FRMD3: variants seen among roughly 807,000 people sequenced by gnomAD.
The protein encoded by FRMD3 is FERM domain-containing protein 3.
Under a neutral mutation model 70.2 loss-of-function variants are expected in FRMD3, and 33 were observed. The observed-to-expected ratio is 0.47, with a 90% confidence interval of 0.36 to 0.63. FRMD3 has a LOEUF of 0.63. Among genes scored for constraint, FRMD3 ranks in the 20% least tolerant of loss-of-function variants. FRMD3 has a pLI of 0.00. For synonymous variants in FRMD3, 279 were observed against 255.9 expected, an observed-to-expected ratio of 1.09 and a Z score of -0.86; for missense variants, 632 against 711.4, an observed-to-expected ratio of 0.89 and a Z score of 1.27.
At chr9:83,436,787 A>C (rs1000434953) in intron 1 of FRMD3, among the ~76,000 whole-genome samples, 11 of 95,656 alleles carry the variant, frequency 1.1e-4, no homozygotes, top group Admixed American at 1.0e-3. Context: ...AGGGGAAAAA[A>C]AAAAAAAAAA....
At chr9:83,343,728 T>C (rs1823857403) in intron 4 of FRMD3, among the ~76,000 whole-genome samples, 1 of 152,238 alleles carries the variant, frequency 6.6e-6, no homozygotes, top group Non-Finnish European at 1.5e-5. Context: ...TCATCATTTC[T>C]TAGGGGCAGA....
intron 1 of FRMD3, among the ~76,000 whole-genome samples, chr9:83,509,957 A>G (rs1829300623): frequency 6.6e-6 from 1 of 152,192 alleles, no homozygotes; most frequent in South Asian, 2.1e-4. Flanking sequence ...TAAATATAAC[A>G]GAGGATGACA....
At chr9:83,387,733 C>T (rs1483173593) in intron 2 of FRMD3, among the ~76,000 whole-genome samples, 6 of 152,132 alleles carry the variant, frequency 3.9e-5, no homozygotes, top group East Asian at 3.8e-4. Context: ...CCCTCTTATA[C>T]GAGTGGAATA....
chr9:83,453,488 A>G (rs1018561736), intron 1 of FRMD3, among the ~76,000 whole-genome samples: 2 of 152,172 alleles, frequency 1.3e-5, no homozygotes, highest in Non-Finnish European at 2.9e-5. Context: ...CTACTTTTTC[A>G]ACTGTAAATT....
intron 2 of FRMD3, among the ~76,000 whole-genome samples, chr9:83,379,225 T>C (rs1179575389): frequency 6.6e-6 from 1 of 152,122 alleles, no homozygotes; most frequent in Non-Finnish European, 1.5e-5. Flanking sequence ...GAGTCTGGAC[T>C]ACACCAATAA....
intron 7 of FRMD3, among the ~76,000 whole-genome samples, chr9:83,312,460 G>GA (rs1227420367): frequency 6.6e-6 from 1 of 152,118 alleles, no homozygotes; most frequent in East Asian, 1.9e-4. Context: ...CCTAGACCAG[G>GA]AAAACTAAGC....
chr9:83,456,865 A>C (rs980149217), intron 1 of FRMD3, among the ~76,000 whole-genome samples: 27 of 152,106 alleles, frequency 1.8e-4, no homozygotes, highest in African/African-American at 6.5e-4. Flanking sequence ...CTGTAGTCCC[A>C]GCTACTCGAG....
chr9:83,455,857 A>T (rs983694033), intron 1 of FRMD3, among the ~76,000 whole-genome samples: 25 of 152,248 alleles, frequency 1.6e-4, no homozygotes, highest in Non-Finnish European at 2.4e-4. Flanking sequence ...GACAGCAGAT[A>T]GAGTTCACAG....
intron 1 of FRMD3, among the ~76,000 whole-genome samples, chr9:83,418,859 G>A (rs535611807): frequency 6.6e-5 from 10 of 152,260 alleles, no homozygotes; most frequent in East Asian, 5.8e-4. Flanking sequence ...TCACAATTGC[G>A]AAGCCTTTGT....
intron 4 of FRMD3, among the ~76,000 whole-genome samples, chr9:83,348,985 G>A (rs1387889525): frequency 6.6e-6 from 1 of 152,228 alleles, no homozygotes; most frequent in Non-Finnish European, 1.5e-5. Flanking sequence ...CTTATTTTGA[G>A]AGATGATTAT....
chr9:83,384,412 GA>G (rs1389133955), intron 2 of FRMD3, among the ~76,000 whole-genome samples: 1 of 152,130 alleles, frequency 6.6e-6, no homozygotes, highest in Non-Finnish European at 1.5e-5. Flanking sequence ...ACCATCCCCA[GA>G]GTGAAACCTC....
chr9:83,472,081 C>A (rs568094529), intron 1 of FRMD3, among the ~76,000 whole-genome samples: 26 of 147,878 alleles, frequency 1.8e-4, no homozygotes, highest in Non-Finnish European at 3.1e-4. Flanking sequence ...TAGGGTGCTA[C>A]CAGAGATGCC....
At chr9:83,322,124 C>T (rs1004462478) in intron 6 of FRMD3, among the ~76,000 whole-genome samples, 2 of 152,022 alleles carry the variant, frequency 1.3e-5, no homozygotes, top group Non-Finnish European at 2.9e-5. Context: ...CCTTCCCAGG[C>T]AGGAAGTATG....
intron 1 of FRMD3, among the ~76,000 whole-genome samples, chr9:83,391,469 T>G (rs550090220): frequency 6.6e-6 from 1 of 152,318 alleles, no homozygotes; most frequent in East Asian, 1.9e-4. Flanking sequence ...TTCATTAGGA[T>G]GTACTATAGG....
At chr9:83,464,887 G>T (rs1339904867) in intron 1 of FRMD3, among the ~76,000 whole-genome samples, 3 of 152,116 alleles carry the variant, frequency 2.0e-5, no homozygotes, top group Non-Finnish European at 2.9e-5. Flanking sequence ...AGGCTTGGTG[G>T]TGTGCACCTG....
At chr9:83,342,488 G>C (rs1010788781) in intron 5 of FRMD3, among the ~76,000 whole-genome samples, 4 of 152,160 alleles carry the variant, frequency 2.6e-5, no homozygotes, top group Non-Finnish European at 4.4e-5. Context: ...GAAGAGCTTA[G>C]GTAACTTGGT....
the FRMD3 span, among the ~76,000 whole-genome samples, chr9:83,552,002 T>A: frequency 6.6e-6 from 1 of 152,154 alleles, no homozygotes; most frequent in African/African-American, 2.4e-5. Flanking sequence ...TTATTTCTTG[T>A]CTTCTGCTAG....
chr9:83,308,090 G>A (rs1012197000), intron 10 of FRMD3, among the ~76,000 whole-genome samples: 1 of 152,160 alleles, frequency 6.6e-6, no homozygotes, highest in African/African-American at 2.4e-5. Flanking sequence ...AGCATTTTGT[G>A]CGTCATCTCA....
In FRMD3 at chr9:83,342,043, A is replaced by ATCTCTCTCTCTCTCTCTCTCTC. The variant is rs112748690; in HGVS notation, c.472+1125_472+1146dup. Among the ~76,000 whole-genome samples, 279 of 139,728 alleles carry ATCTCTCTCTCTCTCTCTCTCTC rather than the reference A, an allele frequency of 2.0e-3. 7 individuals are homozygous for ATCTCTCTCTCTCTCTCTCTCTC. Among genetic ancestry groups the ATCTCTCTCTCTCTCTCTCTCTC allele is most frequent in the African/African-American group, 7.3e-3 (265 of 36,244 alleles). The allele number at this position is 139,728 out of a possible 152,430, so 91.7% of individuals were successfully genotyped here. On this transcript the variant is annotated intron_variant, in intron 5 of 13. Transcript: ENST00000304195. ...GATCCATTGGAAGATTGACATAGTCATCTCTCTCTCTCTCTCTCTCTCTCT... is the reference window on the plus strand; with the variant it reads ...GATCCATTGGAAGATTGACATAGTCATCTCTCTCTCTCTCTCTCTCTCTCTCTCTCTCTCTCTCTCTCTCTCT...
Sources: allele counts gnomAD v4.1 joint callset (sites outside exome capture counted in the v4.1 genomes callset), GRCh38; gene constraint gnomAD v4.1.1; transcripts MANE v1.5; gene names NCBI Gene and HGNC (gene_info 2026-07-23, HGNC 2026-07-21).